BCR: variants seen among roughly 807,000 people sequenced by gnomAD.
BCR encodes BCR activator of RhoGEF and GTPase.
A neutral mutation model predicts 138.6 loss-of-function variants in BCR; 58 were observed. That is an observed-to-expected ratio of 0.42 (90% CI 0.34 to 0.52). The LOEUF is 0.52. BCR is among the 20% of genes least tolerant of loss of function. The pLI is 0.06. For synonymous variants in BCR, 786 were observed against 730.1 expected (o/e 1.08, Z -1.23); for missense variants, 1,599 against 1,727.2 (o/e 0.93, Z 1.32).
chr22:23,195,631 A>C (rs961948555), intron 1 of BCR, among the ~76,000 whole-genome samples: 1 of 151,978 alleles, frequency 6.6e-6, no homozygotes, highest in Non-Finnish European at 1.5e-5. Flanking sequence ...TCGCGCCTGT[A>C]ATCCCAGCAC....
intron 1 of BCR, among the ~76,000 whole-genome samples, chr22:23,199,862 G>A (rs1488584370): frequency 4.6e-5 from 7 of 152,108 alleles, no homozygotes; most frequent in Non-Finnish European, 1.0e-4. Flanking sequence ...AGGCCAAGGC[G>A]GGCAGATCAT....
chr22:23,261,464 A>G lies in BCR; in HGVS notation c.1676A>G (p.Glu559Gly). The change falls in exon 4 of 23, where the codon GAG (glutamate) becomes GGG (glycine). Residue 559 changes from glutamate to glycine, a missense_variant. Around this residue, in one of 4 missense-constraint regions of BCR, gnomAD observed 590 missense variants for 762.4 expected, o/e 0.77. Transcript: ENST00000305877. ...CCTGAGCTCTACGAGATCCACAAGG[A>G]GTTCTATGATGGGCTCTTCCCCCGC... is the stretch of plus-strand genomic sequence containing the variant. ...KVPELYEIHK[E>G]FYDGLFPRVQ... The G allele has an allele frequency of 6.2e-7, 1 of 1,613,824 alleles. No individual in the cohort carries two copies. The highest frequency in any genetic ancestry group is 8.5e-7 in the Non-Finnish European group (1 of 1,179,992).
chr22:23,222,757 A>G (rs1258251973), intron 1 of BCR, among the ~76,000 whole-genome samples: 1 of 151,992 alleles, frequency 6.6e-6, no homozygotes, highest in African/African-American at 2.4e-5. Flanking sequence ...TGCTGTTGGA[A>G]CCTTGAGGTG....
At chr22:23,249,341 A>G (rs1022838969) in intron 1 of BCR, among the ~76,000 whole-genome samples, 3 of 151,608 alleles carry the variant, frequency 2.0e-5, no homozygotes, top group Non-Finnish European at 2.9e-5. Flanking sequence ...CTGAGGCAGG[A>G]GAATGGCGTG....
chr22:23,242,732 A>T (rs141059435), intron 1 of BCR: 2 of 358,370 alleles, frequency 5.6e-6, no homozygotes, highest in East Asian at 1.7e-4. Context: ...CACCGAGTTC[A>T]GGCCATGTCT....
chr22:23,266,157 T>G (rs1460368009), intron 4 of BCR, among the ~76,000 whole-genome samples: 1 of 152,166 alleles, frequency 6.6e-6, no homozygotes, highest in Non-Finnish European at 1.5e-5. Flanking sequence ...CAGTCTTGTC[T>G]CACTGCAACC....
rs147216437 is a variant in BCR at position 23,277,375 on chromosome 22, C to T, written c.2115+3601C>T. On this transcript the variant is annotated intron_variant, in intron 8 of 22. Transcript: ENST00000305877. ...GGCCCCTGGCCGCCTGTGTGCCCCT[C>T]GGGTGTGTTACTCTTTGGTTCCCTT... 7.2e-5 allele frequency among the ~76,000 whole-genome samples: 11 copies of T among 152,304 alleles called. No individual in the cohort carries two copies. In the East Asian group the frequency reaches 1.5e-3, roughly 21 times the overall value.
chr22:23,258,017 C>T (rs1287552785), intron 2 of BCR, among the ~76,000 whole-genome samples: 5 of 152,190 alleles, frequency 3.3e-5, no homozygotes, highest in Admixed American at 3.3e-4. Context: ...TGGAGGCTCC[C>T]ACCCGTGGAG....
intron 1 of BCR, among the ~76,000 whole-genome samples, chr22:23,224,884 C>G (rs6003577): frequency 1.1e-3 from 175 of 152,180 alleles, no homozygotes; most frequent in African/African-American, 3.8e-3. Flanking sequence ...TCCATCCCCC[C>G]CAAAAAAACA....
At chr22:23,242,737 ATGTCTTAG>A in intron 1 of BCR, 1 of 378,306 alleles carries the variant, frequency 2.6e-6, no homozygotes, top group Non-Finnish European at 5.4e-6. Flanking sequence ...AGTTCAGGCC[ATGTCTTAG>A]TGTCCTGTGG....
intron 1 of BCR, among the ~76,000 whole-genome samples, chr22:23,230,598 G>T (rs1307084869): frequency 6.6e-6 from 1 of 152,236 alleles, no homozygotes; most frequent in Non-Finnish European, 1.5e-5. Context: ...GTGTCCCAGG[G>T]TTTGCTCATT....
At position 23,292,652 on chromosome 22, in the gene BCR, T is replaced by A. The variant is rs949493987; in HGVS notation, c.2880+14T>A. On this transcript the variant is annotated intron_variant, in intron 15 of 22. Transcript: ENST00000305877. ...AACTGGAACGAGGTGAGGAACTGAT[T>A]CCACAAGGGCCCAGCCTGCCAGGTG... 1.9e-6 allele frequency: 3 copies of A among 1,600,344 alleles called. No homozygotes were observed. Among genetic ancestry groups the A allele is most frequent in the African/African-American group, 2.7e-5 (2 of 74,554 alleles).
At chr22:23,292,703 A>T in intron 15 of BCR, 65 bp downstream of exon 15, 1 of 1,429,148 alleles carries the variant, frequency 7.0e-7, no homozygotes, top group South Asian at 1.2e-5. Context: ...TCCACTGGAG[A>T]TAATCTAAAC....
At chr22:23,186,138 C>T (rs2072340150) in intron 1 of BCR, among the ~76,000 whole-genome samples, 1 of 152,174 alleles carries the variant, frequency 6.6e-6, no homozygotes, top group African/African-American at 2.4e-5. Context: ...CCGGAAATGG[C>T]AGGACTGAAG....
At chr22:23,242,643 C>T (rs1029361567) in intron 1 of BCR, among the ~76,000 whole-genome samples, 4 of 152,218 alleles carry the variant, frequency 2.6e-5, no homozygotes, top group African/African-American at 9.7e-5. Flanking sequence ...GCATTCTTCT[C>T]TCTCACAGAC....
intron 16 of BCR, among the ~76,000 whole-genome samples, chr22:23,296,436 T>TC (rs1486385329): frequency 6.6e-6 from 1 of 151,548 alleles, no homozygotes; most frequent in Admixed American, 6.6e-5. Flanking sequence ...GGGTGGCTCT[T>TC]CCCTGAGTCA....
chr22:23,195,896 CAAATT>C (rs1569240460), intron 1 of BCR, among the ~76,000 whole-genome samples: 1 of 152,034 alleles, frequency 6.6e-6, no homozygotes, highest in Non-Finnish European at 1.5e-5. Context: ...AAATTAAAAA[CAAATT>C]AAATAAATAA....
At chr22:23,274,906 TCAAAAAAA>T (rs1461198412) in intron 8 of BCR, among the ~76,000 whole-genome samples, 1 of 57,474 alleles carries the variant, frequency 1.7e-5, no homozygotes, top group African/African-American at 8.2e-5. Context: ...AAACTCCATC[TCAAAAAAA>T]AAAAAAAAAA....
rs1428834563 is a variant in BCR at position 23,316,256 on chromosome 22, T to C, written c.*734T>C. 6 of 161,688 alleles carry C rather than the reference T, an allele frequency of 3.7e-5. No homozygotes were observed. The highest frequency in any genetic ancestry group is 2.2e-4 in the African/African-American group (6 of 27,584). 10.0% of individuals were successfully genotyped at this position (161,688 alleles called of 1,614,324 possible). On this transcript the variant is annotated 3_prime_UTR_variant, in exon 23 of 23. Transcript: ENST00000305877. ...GGTTCGTTCTCCAGGGAGAGCGACC[T>C]CGTCCCCCGATCCTGACCGCCCTTC...
Sources: gnomAD v4.1 joint callset for allele counts (sites outside exome capture counted in the v4.1 genomes callset) on GRCh38, gnomAD v4.1.1 for gene constraint, gnomAD v4.1.1 regional missense constraint, MANE v1.5 for transcripts, NCBI Gene and HGNC (gene_info 2026-07-23, HGNC 2026-07-21) for gene names.